Variants in NADK observed in about 807,000 individuals in gnomAD.
The protein encoded by NADK is poly(P)/ATP NAD kinase.
In NADK, 22 loss-of-function variants were observed where a neutral mutation model predicts 49.8. That is an observed-to-expected ratio of 0.44 (90% CI 0.32 to 0.63). NADK has a LOEUF of 0.63. Ranked by LOEUF, NADK falls within the 30% of genes least tolerant of loss-of-function variation. The pLI is 0.06. For missense variants in NADK, 438 were observed against 609.4 expected, an observed-to-expected ratio of 0.72 and a Z score of 2.96; for synonymous variants, 268 against 253.7, an observed-to-expected ratio of 1.06 and a Z score of -0.54.
At chr1:1,759,267 T>C (rs2100310119) in intron 3 of NADK, 2 of 1,550,472 alleles carry the variant, frequency 1.3e-6, no homozygotes, top group Non-Finnish European at 8.7e-7. Flanking sequence ...CACCAGCCCT[T>C]GCAGGCACGC....
chr1:1,760,493 C>T (rs1645685402), intron 3 of NADK, among the ~76,000 whole-genome samples: 1 of 152,228 alleles, frequency 6.6e-6, no homozygotes, highest in Admixed American at 6.5e-5. Context: ...TGCTGTGCGC[C>T]CCCAGCCTCC....
At chr1:1,770,083 G>A (rs560932337) in intron 1 of NADK, among the ~76,000 whole-genome samples, 41 of 152,136 alleles carry the variant, frequency 2.7e-4, no homozygotes, top group African/African-American at 9.6e-4. Flanking sequence ...AGGAGAACAG[G>A]AGAATTGCTG....
In NADK at chr1:1,756,258, C is replaced by T; in HGVS notation, c.585G>A (p.Gln195=). ...GTLLYASSLF[Q]GSVPPVMAFH... Reference sequence around the variant, plus strand: ...GGGTCTGGAAATGTCAGCGCTTCACCTGGAAAAGCGAGGAAGCGTACAGCA... The same window carrying T: ...GGGTCTGGAAATGTCAGCGCTTCACTTGGAAAAGCGAGGAAGCGTACAGCA... The change falls in exon 6 of 12, where the codon CAG becomes CAA. Residue 195 remains glutamine (Q), a splice_region_variant and synonymous_variant. Transcript: ENST00000341426. 6.2e-7 allele frequency: 1 copy of T among 1,614,002 alleles called. No homozygotes were observed. Among genetic ancestry groups the T allele is most frequent in the African/African-American group, 1.3e-5 (1 of 75,040 alleles).
chr1:1,770,429 A>G (rs1219292997), intron 1 of NADK, among the ~76,000 whole-genome samples: 2 of 152,242 alleles, frequency 1.3e-5, no homozygotes, highest in Non-Finnish European at 2.9e-5. Context: ...TCTATGTAGA[A>G]AAACAAATAA....
intron 3 of NADK, chr1:1,759,747 G>C (rs569717880): frequency 1.9e-6 from 3 of 1,554,650 alleles, no homozygotes; most frequent in Non-Finnish European, 2.6e-6. Flanking sequence ...TTCCTCCTGC[G>C]GGGCTGTCTG....
At chr1:1,758,424 A>G (rs1478679089) in intron 3 of NADK, 1 of 1,612,088 alleles carries the variant, frequency 6.2e-7, no homozygotes, top group Non-Finnish European at 8.5e-7. Context: ...TGAGCTCAGC[A>G]CCTGCCGGGT....
intron 1 of NADK, among the ~76,000 whole-genome samples, chr1:1,773,331 G>T (rs549885379): frequency 9.1e-6 from 1 of 110,052 alleles, no homozygotes; most frequent in Non-Finnish European, 2.2e-5. Flanking sequence ...GTAGAGATGG[G>T]GTTTCACCAT....
chr1:1,756,164 G>C (rs1387807065), intron 6 of NADK, 94 bp downstream of exon 6: 2 of 1,184,126 alleles, frequency 1.7e-6, no homozygotes, highest in African/African-American at 1.5e-5. Context: ...TCGTATAAAG[G>C]GGTGAAAAGC....
intron 1 of NADK, among the ~76,000 whole-genome samples, chr1:1,766,673 T>C (rs1429698799): frequency 1.3e-5 from 2 of 151,152 alleles, no homozygotes; most frequent in African/African-American, 4.8e-5. Context: ...TCACCCTTTT[T>C]TCCCCTTTTT....
Position 1,755,494 on chromosome 1 carries a change from G to GGTCACTCA in NADK, c.586-26_586-19dup. On this transcript the variant is annotated intron_variant, in intron 6 of 11. Coordinates refer to ENST00000341426, the MANE Select transcript of NADK (RefSeq NM_023018.5). ...ACGCTGCCCTGTGAGCCGACGGAGAGGTCACTCAGTGCCCACGCCGTGCAC... is the reference window on the plus strand; with the variant it reads ...ACGCTGCCCTGTGAGCCGACGGAGAGGTCACTCAGTCACTCAGTGCCCACGCCGTGCAC... 6.2e-7 allele frequency: 1 copy of GGTCACTCA among 1,600,188 alleles called. No individual in the cohort carries two copies. Among genetic ancestry groups the GGTCACTCA allele is most frequent in the Non-Finnish European group, 8.6e-7 (1 of 1,168,078 alleles).
rs1553182971 is a variant in NADK, at chr1:1,754,407, A to G, written c.844-24T>C. The G allele has an allele frequency of 3.1e-6, 5 of 1,611,786 alleles. No homozygotes were observed. Among genetic ancestry groups the G allele is most frequent in the East Asian group, 2.2e-5 (1 of 44,844 alleles). On this transcript the variant is annotated intron_variant, in intron 8 of 11. Transcript: ENST00000341426. This position sits in a 1 kb window ranked among gnomAD's most constrained non-coding sequence, Gnocchi z 4.3. Reference sequence around the variant, plus strand: ...ACCTGGAGGGGCGACAGCATTGCACACTCAGGGCGGGGGATGCCGCACGGC... The same window carrying G: ...ACCTGGAGGGGCGACAGCATTGCACGCTCAGGGCGGGGGATGCCGCACGGC...
intron 2 of NADK, among the ~76,000 whole-genome samples, chr1:1,764,861 A>G (rs1376474663): frequency 6.6e-6 from 1 of 152,206 alleles, no homozygotes; most frequent in Non-Finnish European, 1.5e-5. Context: ...AGATTGCGCC[A>G]CTGCACTCCA....
intron 3 of NADK, among the ~76,000 whole-genome samples, chr1:1,760,105 C>T (rs947781057): frequency 9.9e-5 from 15 of 152,268 alleles, no homozygotes; most frequent in Non-Finnish European, 1.0e-4. Context: ...GTCCACACAG[C>T]GGAGGGCAGC....
chr1:1,757,225 T>A lies in NADK; in HGVS notation c.349A>T (p.Ser117Cys). 1.9e-6 allele frequency: 3 copies of A among 1,603,676 alleles called. No individual in the cohort carries two copies. Among genetic ancestry groups the A allele is most frequent in the Non-Finnish European group, 2.6e-6 (3 of 1,174,738 alleles). The change falls in exon 4 of 12, where the codon AGC becomes TGC. Residue 117 changes from serine to cysteine, a missense_variant. Ser to Cys is a moderately radical substitution (Grantham distance 112). Coordinates refer to ENST00000341426, the MANE Select transcript of NADK (RefSeq NM_023018.5). ...AGCTCCTTGAACGGCTGCAGTAGGC[T>A]GGCATCTCTCATCTTCTTGATGACA... ...VLVIKKMRDASLLQPFKELCT... is the reference protein window; with the variant it reads ...VLVIKKMRDACLLQPFKELCT...
rs540868877 is a variant in NADK, at chr1:1,765,356, G to A, written c.51C>T (p.Asp17=). The A allele has an allele frequency of 5.6e-6, 9 of 1,612,436 alleles. No individual in the cohort carries two copies. Among genetic ancestry groups the A allele is most frequent in the South Asian group, 3.3e-5 (3 of 90,914 alleles). ...KMTMNKELSP[D]AAAYCCSACH... The stretch of plus-strand genomic sequence containing the variant: ...AGGCCGAGCAGCAGTAAGCAGCCGC[G>A]TCTGGACTCAATTCCTTATTCATGG... The change falls in exon 2 of 12, where the codon GAC becomes GAT. Residue 17 remains aspartate, a synonymous_variant. Coordinates refer to ENST00000341426, the MANE Select transcript of NADK (RefSeq NM_023018.5).
intron 7 of NADK, among the ~76,000 whole-genome samples, chr1:1,755,131 C>G (rs1570505121): frequency 6.6e-6 from 1 of 152,250 alleles, no homozygotes; most frequent in East Asian, 1.9e-4. Flanking sequence ...CACTTCTGTG[C>G]CTTCTGAGAG....
At chr1:1,758,519 G>GCGGC (rs1557841830) in intron 3 of NADK, 3 of 1,608,708 alleles carry the variant, frequency 1.9e-6, no homozygotes, top group Non-Finnish European at 1.7e-6. Context: ...TGGCGAACAC[G>GCGGC]CGGCCGCCCC....
chr1:1,753,699 C>A (rs759866923), intron 10 of NADK, 50 bp from the exon 11 acceptor site: 20 of 1,501,006 alleles, frequency 1.3e-5, no homozygotes, highest in Non-Finnish European at 1.8e-5. Flanking sequence ...GGGGAGGACG[C>A]TTCTAGGCAC....
rs1445163006 is a variant in NADK at position 1,754,343 on chromosome 1, TAGG to T, written c.881_883del (p.Ser294del). On this transcript the variant is annotated inframe_deletion, in exon 9 of 12. Transcript: ENST00000341426. The surrounding 1 kb of genome is among the most constrained non-coding windows in gnomAD (Gnocchi z 4.3). The stretch of plus-strand genomic sequence containing the variant: ...CAGGTAGACATCCACATTGGACAGG[TAGG>T]AGGAGGGGCCTCTGTCAATCACCAC... 4 of 1,613,682 alleles carry T rather than the reference TAGG, an allele frequency of 2.5e-6. No homozygotes were observed. The highest frequency in any genetic ancestry group is 3.4e-6 in the Non-Finnish European group (4 of 1,179,940).
Sources: gnomAD v4.1 joint callset for allele counts (sites outside exome capture counted in the v4.1 genomes callset) on GRCh38, gnomAD v4.1.1 for gene constraint, Gnocchi (gnomAD v3.1) non-coding constraint, MANE v1.5 for transcripts, NCBI Gene and HGNC (gene_info 2026-07-23, HGNC 2026-07-21) for gene names.